PRC1: variants seen among roughly 807,000 people sequenced by gnomAD.
PRC1 encodes the protein protein regulator of cytokinesis 1.
A neutral mutation model predicts 91.2 loss-of-function variants in PRC1; 54 were observed. The ratio of observed to expected loss-of-function variants is 0.59; its 90% CI spans 0.48 to 0.74. The LOEUF is 0.74. Among genes scored for constraint, PRC1 ranks in the 30% least tolerant of loss-of-function variants. The pLI, the probability that PRC1 is intolerant of heterozygous loss-of-function variation, is 0.00. For missense variants in PRC1, 727 were observed against 746.2 expected (o/e 0.97, Z 0.30); for synonymous variants, 275 against 263.6 (o/e 1.04, Z -0.42).
intron 1 of PRC1, among the ~76,000 whole-genome samples, chr15:90,993,107 T>C (rs1309453510): frequency 6.8e-6 from 1 of 146,916 alleles, no homozygotes. Flanking sequence ...AAAAGTTAAT[T>C]ATATCCATTA....
intron 8 of PRC1, among the ~76,000 whole-genome samples, chr15:90,978,753 C>CA (rs869065052): frequency 0.052 from 2,021 of 39,204 alleles, 221 homozygotes; most frequent in African/African-American, 0.11. Flanking sequence ...AACTCCACCT[C>CA]AAAAAAAAAA....
chr15:90,968,933 GTTTT>G, intron 14 of PRC1, 142 bp downstream of exon 14: 8 of 1,482,492 alleles, frequency 5.4e-6, no homozygotes, highest in South Asian at 2.7e-5. Flanking sequence ...AATCAGATGT[GTTTT>G]TTTGAGTCCA....
At chr15:90,967,857 T>C (rs774233239) in intron 14 of PRC1, 1 of 985,476 alleles carries the variant, frequency 1.0e-6, no homozygotes, top group Non-Finnish European at 1.2e-6. Context: ...AGAGCTACTT[T>C]AGAGTTGTCA....
At chr15:90,989,745 G>A (rs1423285343) in intron 1 of PRC1, among the ~76,000 whole-genome samples, 3 of 151,964 alleles carry the variant, frequency 2.0e-5, no homozygotes. Context: ...GGCATACAAT[G>A]GAATATTATT....
intron 11 of PRC1, among the ~76,000 whole-genome samples, chr15:90,971,488 G>C (rs1004354496): frequency 5.9e-5 from 9 of 151,588 alleles, no homozygotes; most frequent in African/African-American, 2.2e-4. Context: ...GCTTCAACAT[G>C]TTTCCTAGTC....
In PRC1 at chr15:90,984,846, C is replaced by T. The variant is rs774359192; in HGVS notation, c.12-21G>A. On this transcript the variant is annotated intron_variant, in intron 1 of 14. Coordinates refer to ENST00000394249, the MANE Select transcript of PRC1 (RefSeq NM_003981.4). The surrounding 1 kb of genome is among the most constrained non-coding windows in gnomAD (Gnocchi z 5.1). ...CCTCACTGAAAACCAAAAACTAAGG[C>T]CTGTTAGTTACATCAGTCACAGCCT... The T allele has an allele frequency of 6.8e-6, 11 of 1,613,524 alleles. No individual in the cohort carries two copies. The Admixed American group carries it at 1.5e-4, about 22-fold the overall frequency.
At position 90,967,096 on chromosome 15, in the gene PRC1, C is replaced by T; in HGVS notation, c.*35G>A. 6.3e-7 allele frequency: 1 copy of T among 1,584,562 alleles called. No homozygotes were observed. Among genetic ancestry groups the T allele is most frequent in the Non-Finnish European group, 8.7e-7 (1 of 1,153,110 alleles). Reference sequence around the variant, plus strand: ...CATATAATTAGGTCCAGTCTAGGCACAGGAAGCCACAGCTGGTTGACTGAT... The same window carrying T: ...CATATAATTAGGTCCAGTCTAGGCATAGGAAGCCACAGCTGGTTGACTGAT... On this transcript the variant is annotated 3_prime_UTR_variant, in exon 15 of 15. Coordinates refer to ENST00000394249, the MANE Select transcript of PRC1 (RefSeq NM_003981.4).
rs113935358 is a variant in PRC1, at chr15:90,981,863, T to C, written c.386A>G (p.Gln129Arg). ...CATACAAAGAATTTCGCACAGTTCT[T>C]GATCTTGCTCTTGAAGTAGCTTCAG... The part of the protein sequence containing the change: ...QELKLLQEQD[Q>R]ELCEILCMPH... Residue 129 changes from glutamine (Q) to arginine (R), a missense_variant, in exon 4 of 15, where the codon CAA becomes CGA. Transcript: ENST00000394249. 60 of 1,614,164 alleles carry C rather than the reference T, an allele frequency of 3.7e-5. 2 individuals are homozygous for C. The African/African-American group carries it at 5.5e-4, about 15-fold the overall frequency.
chr15:90,969,207 G>C, intron 13 of PRC1, 87 bp from the exon 14 acceptor site: 1 of 1,404,000 alleles, frequency 7.1e-7, no homozygotes, highest in Non-Finnish European at 1.0e-6. Context: ...CTGCAGCCAG[G>C]GAATGGTATG....
At chr15:90,975,964 G>A (rs537947927) in intron 9 of PRC1, among the ~76,000 whole-genome samples, 1 of 152,318 alleles carries the variant, frequency 6.6e-6, no homozygotes, top group Non-Finnish European at 1.5e-5. Context: ...ACAAAGCCAA[G>A]GAGAAAGGCC....
intron 1 of PRC1, among the ~76,000 whole-genome samples, chr15:90,985,598 G>A (rs2039521249): frequency 1.4e-5 from 2 of 146,626 alleles, no homozygotes; most frequent in African/African-American, 5.1e-5. Flanking sequence ...TCGCTCCGTT[G>A]CCCTGGCTGG....
chr15:90,991,205 C>G (rs2039962738), intron 1 of PRC1, among the ~76,000 whole-genome samples: 1 of 151,726 alleles, frequency 6.6e-6, no homozygotes, highest in Admixed American at 6.6e-5. Flanking sequence ...CACCTGAGAT[C>G]AGGAGCTCGA....
intron 1 of PRC1, among the ~76,000 whole-genome samples, chr15:90,992,737 CAA>C (rs1768978152): frequency 6.6e-6 from 1 of 151,778 alleles, no homozygotes; most frequent in South Asian, 2.1e-4. Flanking sequence ...TGAAAAAAAT[CAA>C]GAGTGCATAC....
Position 90,967,189 on chromosome 15 carries a change from T to C in PRC1, c.1805A>G (p.Lys602Arg). The change falls in exon 15 of 15, where the codon AAG becomes AGG. Residue 602 changes from lysine (K) to arginine (R), a missense_variant. Transcript: ENST00000394249. ...STVGLQRELS[K>R]ASKSDATSGI... is the part of the protein sequence containing the mutation. The stretch of plus-strand genomic sequence containing the variant: ...AGAAGTAGCATCAGATTTGGAAGCC[T>C]TTGAAAGTTCTCGCTGTTGAAAAAT... The C allele has an allele frequency of 6.2e-7, 1 of 1,613,964 alleles. No individual in the cohort carries two copies. Among genetic ancestry groups the C allele is most frequent in the Non-Finnish European group, 8.5e-7 (1 of 1,179,784 alleles).
chr15:90,980,187 C>A lies in PRC1; in HGVS notation c.970+55G>T. The A allele has an allele frequency of 4.0e-6, 6 of 1,485,628 alleles. No individual in the cohort carries two copies. In the South Asian group the frequency reaches 8.7e-5, roughly 21 times the overall value. The allele number at this position is 1,485,628 out of a possible 1,614,324, so 92.0% of individuals were successfully genotyped here. On this transcript the variant is annotated intron_variant, in intron 7 of 14. Coordinates refer to ENST00000394249, the MANE Select transcript of PRC1 (RefSeq NM_003981.4). ...AGGAACTTGAGACTAGGCTGGGCAA[C>A]AGAGTAAGACCTGTCTCCAAACAAA...
intron 1 of PRC1, among the ~76,000 whole-genome samples, chr15:90,989,412 ATTTT>A (rs58512103): frequency 5.1e-5 from 6 of 118,462 alleles, no homozygotes; most frequent in Admixed American, 3.8e-4. Context: ...TGCTTGGCTA[ATTTT>A]TTTTTTTTTT....
At position 90,994,452 on chromosome 15, in the gene PRC1, A is replaced by G. The variant is rs781024009; in HGVS notation, c.-35T>C. The G allele has an allele frequency of 6.8e-6, 11 of 1,606,002 alleles. No individual in the cohort carries two copies. The South Asian group carries it at 1.2e-4, about 18-fold the overall frequency. On this transcript the variant is annotated 5_prime_UTR_variant, in exon 1 of 15. Coordinates refer to ENST00000394249, the MANE Select transcript of PRC1 (RefSeq NM_003981.4). The stretch of plus-strand genomic sequence containing the variant: ...TCCAAGCAGCCGTGAGTCCAGGTCC[A>G]GACCTACTCCACACGGCCCCGAGAG...
chr15:90,973,487 G>C (rs1328964067), intron 11 of PRC1, among the ~76,000 whole-genome samples: 1 of 152,132 alleles, frequency 6.6e-6, no homozygotes, highest in Admixed American at 6.5e-5. Context: ...CGTGGGAAGG[G>C]AAAGACCTGA....
At chr15:90,983,906 G>A (rs934686289) in intron 3 of PRC1, 112 bp downstream of exon 3, 296 of 1,406,342 alleles carry the variant, frequency 2.1e-4, no homozygotes, top group Non-Finnish European at 2.7e-4. Context: ...CACTTCTTAC[G>A]TCTAGCTCCA....
Sources: allele counts gnomAD v4.1 joint callset (sites outside exome capture counted in the v4.1 genomes callset), GRCh38; gene constraint gnomAD v4.1.1; non-coding constraint Gnocchi (gnomAD v3.1); transcripts MANE v1.5; gene names NCBI Gene and HGNC (gene_info 2026-07-23, HGNC 2026-07-21).